AGMO: variants seen among roughly 807,000 people sequenced by gnomAD.
AGMO encodes alkylglycerol monooxygenase.
In AGMO, 75 loss-of-function variants were observed where a neutral mutation model predicts 60.2. The observed-to-expected ratio is 1.25, with a 90% CI of 1.03 to 1.51. AGMO has a LOEUF of 1.51. Ranked by LOEUF, AGMO falls within the 40% of genes most tolerant of loss-of-function variation. The pLI is 0.00. For synonymous variants in AGMO, 261 were observed against 177.1 expected (o/e 1.47, Z -3.76); for missense variants, 763 against 525.5 (o/e 1.45, Z -4.42).
Position 15,522,481 on chromosome 7 carries a change from G to A in AGMO, c.409+22291C>T, listed in dbSNP as rs569723232. ...AAGGCTAAAGTAACCAAAACAGCAT[G>A]GTACTAGTACCAAAACAGGTATATA... On this transcript the variant is annotated intron_variant, in intron 3 of 12. Transcript: ENST00000342526. Among the ~76,000 whole-genome samples the A allele has an allele frequency of 3.3e-5, 5 of 152,206 alleles. No individual in the cohort carries two copies. In the East Asian group the frequency reaches 7.7e-4, roughly 23 times the overall value.
the AGMO span, among the ~76,000 whole-genome samples, chr7:15,143,846 A>G: frequency 3.3e-5 from 5 of 152,170 alleles, no homozygotes; most frequent in Non-Finnish European, 7.4e-5. Flanking sequence ...GAACAATTCT[A>G]TTCCAGTACT....
chr7:15,416,027 CTTTT>C (rs759040945), intron 5 of AGMO, among the ~76,000 whole-genome samples: 1 of 130,892 alleles, frequency 7.6e-6, no homozygotes, highest in Non-Finnish European at 1.6e-5. Flanking sequence ...TTCTTTTTTT[CTTTT>C]TTTTTTTTTT....
At chr7:15,152,569 C>T in the AGMO span, among the ~76,000 whole-genome samples, 29 of 152,158 alleles carry the variant, frequency 1.9e-4, no homozygotes, top group Admixed American at 3.3e-4. Flanking sequence ...AGCTTAACTC[C>T]CAATTATGAG....
the AGMO span, among the ~76,000 whole-genome samples, chr7:15,166,685 G>A: frequency 1.3e-5 from 2 of 152,192 alleles, no homozygotes; most frequent in Admixed American, 1.3e-4. Flanking sequence ...GAAGCGGGAT[G>A]GGAGTCAAAG....
intron 4 of AGMO, among the ~76,000 whole-genome samples, chr7:15,428,414 G>A (rs1348171878): frequency 1.3e-5 from 2 of 152,128 alleles, no homozygotes; most frequent in South Asian, 2.1e-4. Context: ...GCCTTATTCA[G>A]CACATTCCCT....
chr7:15,555,490 G>C (rs1253813612), intron 2 of AGMO, among the ~76,000 whole-genome samples: 1 of 151,334 alleles, frequency 6.6e-6, no homozygotes, highest in Non-Finnish European at 1.5e-5. Context: ...ATTTTTGCTT[G>C]GTAATAATAA....
chr7:15,343,958 T>C (rs1177670536), intron 12 of AGMO, among the ~76,000 whole-genome samples: 3 of 152,128 alleles, frequency 2.0e-5, no homozygotes, highest in African/African-American at 7.2e-5. Flanking sequence ...ATAATAATAT[T>C]TTCCTTTAAC....
chr7:15,149,284 A>T, the AGMO span, among the ~76,000 whole-genome samples: 2 of 152,082 alleles, frequency 1.3e-5, no homozygotes, highest in Admixed American at 6.6e-5. Context: ...TACTCTGTTG[A>T]TCACTTCTTT....
At chr7:15,308,109 A>G (rs569577766) in intron 12 of AGMO, among the ~76,000 whole-genome samples, 1 of 152,048 alleles carries the variant, frequency 6.6e-6, no homozygotes, top group Admixed American at 6.6e-5. Flanking sequence ...AAACATTTCC[A>G]AAAGAGCAAA....
intron 12 of AGMO, among the ~76,000 whole-genome samples, chr7:15,327,674 T>G (rs1781381768): frequency 6.6e-6 from 1 of 151,728 alleles, no homozygotes; most frequent in East Asian, 1.9e-4. Flanking sequence ...TGAGGGTATA[T>G]GTAATTAAGC....
chr7:15,529,542 T>G (rs1784221516), intron 3 of AGMO, among the ~76,000 whole-genome samples: 1 of 93,740 alleles, frequency 1.1e-5, no homozygotes. Context: ...TATATATATA[T>G]TCTATATATA....
At chr7:15,297,659 A>C (rs1784442902) in intron 12 of AGMO, among the ~76,000 whole-genome samples, 1 of 152,142 alleles carries the variant, frequency 6.6e-6, no homozygotes, top group African/African-American at 2.4e-5. Flanking sequence ...AAAATATCTA[A>C]CTAGCATACC....
At chr7:15,277,147 A>T (rs1783821271) in intron 12 of AGMO, among the ~76,000 whole-genome samples, 1 of 151,874 alleles carries the variant, frequency 6.6e-6, no homozygotes, top group Non-Finnish European at 1.5e-5. Flanking sequence ...ATCTCTAGTA[A>T]AAATACAACA....
rs540955199 is a variant in AGMO, at chr7:15,528,622, A to G, written c.409+16150T>C. ...TTAAGCAGTACTAGGAGGAACAATCAGATGACTGGAATACAGACCATTTTT... is the reference window on the plus strand; with the variant it reads ...TTAAGCAGTACTAGGAGGAACAATCGGATGACTGGAATACAGACCATTTTT... On this transcript the variant is annotated intron_variant, in intron 3 of 12. Coordinates refer to ENST00000342526, the MANE Select transcript of AGMO (RefSeq NM_001004320.2). Among the ~76,000 whole-genome samples the G allele has an allele frequency of 1.6e-4, 24 of 152,230 alleles. No individual in the cohort carries two copies. In the East Asian group the frequency reaches 2.5e-3, roughly 16 times the overall value.
At chr7:15,284,131 A>G (rs999363836) in intron 12 of AGMO, among the ~76,000 whole-genome samples, 3 of 152,096 alleles carry the variant, frequency 2.0e-5, no homozygotes, top group Non-Finnish European at 4.4e-5. Flanking sequence ...AAAAAGTATA[A>G]AAGATCACAA....
At chr7:15,474,378 G>A (rs1283548748) in intron 3 of AGMO, among the ~76,000 whole-genome samples, 1 of 152,026 alleles carries the variant, frequency 6.6e-6, no homozygotes, top group Non-Finnish European at 1.5e-5. Context: ...ACAGAACAGA[G>A]GCCTCAGAAA....
At chr7:15,301,109 G>T (rs180875323) in intron 12 of AGMO, among the ~76,000 whole-genome samples, 9 of 152,240 alleles carry the variant, frequency 5.9e-5, no homozygotes, top group Admixed American at 5.9e-4. Context: ...GCATGTGTTT[G>T]TGGGTGAAAT....
At chr7:15,402,821 A>G (rs1784588207) in intron 5 of AGMO, among the ~76,000 whole-genome samples, 1 of 151,650 alleles carries the variant, frequency 6.6e-6, no homozygotes, top group South Asian at 2.1e-4. Flanking sequence ...TCTCTTACTC[A>G]AAGCTATTTG....
At chr7:15,187,907 G>T in the AGMO span, among the ~76,000 whole-genome samples, 56 of 151,850 alleles carry the variant, frequency 3.7e-4, no homozygotes, top group African/African-American at 1.3e-3. Context: ...ACTCCCCCCC[G>T]ACTGCCCATG....
Sources: allele counts gnomAD v4.1 joint callset (sites outside exome capture counted in the v4.1 genomes callset), GRCh38; gene constraint gnomAD v4.1.1; transcripts MANE v1.5; gene names NCBI Gene and HGNC (gene_info 2026-07-23, HGNC 2026-07-21).